The following HOOK2 variants were observed in gnomAD, a reference collection of about 807,000 sequenced individuals.
HOOK2 encodes the protein hook microtubule tethering protein 2.
A neutral mutation model predicts 111.9 loss-of-function variants in HOOK2; 108 were observed. The ratio of observed to expected loss-of-function variants is 0.96; its 90% CI spans 0.83 to 1.13. The LOEUF (loss-of-function observed/expected upper bound fraction) is 1.13. Among genes scored for constraint, HOOK2 ranks in the 50% most tolerant of loss-of-function variants. The probability of loss-of-function intolerance (pLI) is 0.00; values close to 1 mark genes in which losing one functional copy is unlikely to be tolerated. For missense variants in HOOK2, 978 were observed against 951.3 expected (o/e 1.03, Z -0.37); for synonymous variants, 405 against 394.3 (o/e 1.03, Z -0.32).
upstream of HOOK2, among the ~76,000 whole-genome samples, chr19:12,779,523 T>G (rs1968575565): frequency 6.6e-6 from 1 of 152,056 alleles, no homozygotes; most frequent in Non-Finnish European, 1.5e-5. Flanking sequence ...ATGTGCTAGG[T>G]TTTTTTGTGT....
chr19:12,784,503 A>G (rs1968638095), intron 3 of HOOK2: 1 of 152,480 alleles, frequency 6.6e-6, no homozygotes, highest in South Asian at 2.1e-4. Context: ...TCAACCCAGC[A>G]CATAAGCATG....
Position 12,763,655 on chromosome 19 carries a change from C to A in HOOK2, c.1938+13G>T, listed in dbSNP as rs770973953. 2 of 1,614,014 alleles carry A rather than the reference C, an allele frequency of 1.2e-6. No individual in the cohort carries two copies. The highest frequency in any genetic ancestry group is 8.5e-7 in the Non-Finnish European group (1 of 1,179,862). Reference sequence around the variant, plus strand: ...ATACGTTGGAGGCAGCGTAAAGGGACGAGGACACCCACCTCCAGGTGTCGG... The same window carrying A: ...ATACGTTGGAGGCAGCGTAAAGGGAAGAGGACACCCACCTCCAGGTGTCGG... On this transcript the variant is annotated intron_variant, in intron 21 of 22. Transcript: ENST00000397668.
chr19:12,768,239 T>G, intron 11 of HOOK2, 116 bp from the exon 12 acceptor site: 1 of 807,590 alleles, frequency 1.2e-6, no homozygotes, highest in Non-Finnish European at 2.0e-6. Context: ...GACTTTACTA[T>G]GGTGCTTTCA....
chr19:12,772,339 A>C, intron 6 of HOOK2, 87 bp from the exon 7 acceptor site: 2 of 1,437,150 alleles, frequency 1.4e-6, no homozygotes, highest in Non-Finnish European at 2.0e-6. Context: ...GAACCTCTCC[A>C]TCCTCCCGTC....
At chr19:12,767,743 A>C in intron 13 of HOOK2, 73 bp downstream of exon 13, 2 of 1,378,418 alleles carry the variant, frequency 1.5e-6, no homozygotes, top group Non-Finnish European at 2.0e-6. Flanking sequence ...CTAGACATGC[A>C]CTGGGACACA....
Position 12,770,832 on chromosome 19 carries a change from C to A in HOOK2, c.902+100G>T. 5 of 1,429,678 alleles carry A rather than the reference C, an allele frequency of 3.5e-6. No individual in the cohort carries two copies. In the South Asian group the frequency reaches 4.0e-5, roughly 12 times the overall value. 88.6% of individuals were successfully genotyped at this position (1,429,678 alleles called of 1,614,324 possible). ...GGGGGCATATTGGGGGTTCACTGGG[C>A]ACATGAAAATTACAGAGCTGCTATG... On this transcript the variant is annotated intron_variant, in intron 10 of 22. Transcript: ENST00000397668.
chr19:12,779,065 TG>T (rs1296750846), upstream of HOOK2, among the ~76,000 whole-genome samples: 3 of 152,124 alleles, frequency 2.0e-5, no homozygotes, highest in African/African-American at 7.2e-5. Context: ...CCCAACGTTT[TG>T]GGGGATGGTC....
chr19:12,779,056 C>T (rs1409602428), upstream of HOOK2, among the ~76,000 whole-genome samples: 3 of 152,160 alleles, frequency 2.0e-5, no homozygotes, highest in South Asian at 6.2e-4. Context: ...AAGAGAGCCC[C>T]CAACGTTTTG....
intron 3 of HOOK2, among the ~76,000 whole-genome samples, chr19:12,785,454 T>C (rs575282771): frequency 9.9e-5 from 15 of 151,074 alleles, no homozygotes; most frequent in African/African-American, 2.9e-4. Context: ...TATACACACA[T>C]ACAGACCAGC....
chr19:12,763,167 A>C lies in HOOK2; in HGVS notation c.*115T>G. The C allele has an allele frequency of 4.6e-5, 35 of 756,082 alleles. No homozygotes were observed. Among genetic ancestry groups the C allele is most frequent in the East Asian group, 8.4e-5 (2 of 23,826 alleles). 46.8% of individuals were successfully genotyped at this position (756,082 alleles called of 1,614,324 possible). A position where few individuals can be genotyped will look rare whatever the true frequency, so the allele number is the denominator to read the frequency against. On this transcript the variant is annotated 3_prime_UTR_variant, in exon 23 of 23. Transcript: ENST00000397668. ...CCACCAATCTGGGAGAGGGAAGAGC[A>C]GAGATCATGGCCTCAAAGCTCTCGA...
intron 3 of HOOK2, chr19:12,773,908 G>C (rs1232524828): frequency 2.0e-5 from 3 of 152,940 alleles, no homozygotes; most frequent in Non-Finnish European, 4.4e-5. Flanking sequence ...ATCACACCAA[G>C]TTTATTCCCA....
intron 20 of HOOK2, chr19:12,764,569 C>A: frequency 1.9e-6 from 1 of 525,654 alleles, no homozygotes; most frequent in South Asian, 2.4e-5. Flanking sequence ...ACCTCATGTT[C>A]CGCCTGCCTT....
Position 12,770,977 on chromosome 19 carries a change from A to T in HOOK2, c.857T>A (p.Leu286Gln), listed in dbSNP as rs748781231. The change falls in exon 10 of 23, where the codon CTG becomes CAG. Residue 286 changes from leucine to glutamine, a missense_variant. This residue lies in a region of HOOK2 where 388 missense variants were observed against 358.3 expected (regional missense o/e 1.08). Transcript: ENST00000397668. ...CTTCAGGGCCTGTGCCTCCTGGGCC[A>T]GGCTAGTCAGCGCCTGGTTCCGGTG... ...LQHRNQALTS[L>Q]AQEAQALKDE... is the part of the protein sequence containing the mutation. 10 of 1,611,170 alleles carry T rather than the reference A, an allele frequency of 6.2e-6. No homozygotes were observed. The highest frequency in any genetic ancestry group is 8.5e-6 in the Non-Finnish European group (10 of 1,178,896).
chr19:12,770,082 C>A lies in HOOK2; in HGVS notation c.903G>T (p.Arg301=), dbSNP rs529692906. The A allele has an allele frequency of 6.0e-5, 90 of 1,493,464 alleles. No homozygotes were observed. Among genetic ancestry groups the A allele is most frequent in the Admixed American group, 1.5e-4 (7 of 45,688 alleles). 92.5% of individuals were successfully genotyped at this position (1,493,464 alleles called of 1,614,324 possible). A position where few individuals can be genotyped will look rare whatever the true frequency, so the allele number is the denominator to read the frequency against. The change falls in exon 11 of 23, where the codon CGG becomes CGT. Residue 301 remains arginine (R), a splice_region_variant and synonymous_variant. Transcript: ENST00000397668. ...QALKDEMDEL[R]QSSERAGQLE... ...GCTGCCCAGCACGCTCCGAAGACTG[C>A]CTAGGGGAGTGGGAGGGAAGGGGGA...
At chr19:12,782,793 T>G (rs143702487), upstream of HOOK2, among the ~76,000 whole-genome samples, 1,593 of 152,078 alleles carry the variant, frequency 0.01, 34 homozygotes, top group African/African-American at 0.035. Flanking sequence ...ATCCGAAACT[T>G]GTGGCCCCTC....
chr19:12,787,574 G>A (rs1166686255), intron 3 of HOOK2, among the ~76,000 whole-genome samples: 1 of 151,962 alleles, frequency 6.6e-6, no homozygotes, highest in African/African-American at 2.4e-5. Flanking sequence ...GGAGGTTGTA[G>A]TGAGCTGATA....
At chr19:12,769,401 A>G (rs1968248025) in intron 11 of HOOK2, among the ~76,000 whole-genome samples, 1 of 152,008 alleles carries the variant, frequency 6.6e-6, no homozygotes, top group South Asian at 2.1e-4. Context: ...TGCTGGGATT[A>G]CAGGCGCGAG....
At chr19:12,777,472 C>T (rs1160199169), upstream of HOOK2, among the ~76,000 whole-genome samples, 1 of 152,106 alleles carries the variant, frequency 6.6e-6, no homozygotes, top group Admixed American at 6.5e-5. Context: ...AGGGGGGAGA[C>T]CCTGTTTCAA....
upstream of HOOK2, among the ~76,000 whole-genome samples, chr19:12,782,683 C>A (rs954920732): frequency 2.0e-5 from 3 of 152,058 alleles, 1 homozygote; most frequent in South Asian, 6.2e-4. Flanking sequence ...GGGGGCTGGG[C>A]GAGCGGAGGC....
Sources: allele counts gnomAD v4.1 joint callset (sites outside exome capture counted in the v4.1 genomes callset), GRCh38; gene constraint gnomAD v4.1.1; regional missense constraint gnomAD v4.1.1; transcripts MANE v1.5; gene names NCBI Gene and HGNC (gene_info 2026-07-23, HGNC 2026-07-21).